RNF216: variants seen among roughly 807,000 people sequenced by gnomAD.
RNF216 encodes the protein ring finger protein 216, also known as E3 ubiquitin-protein ligase RNF216.
RNF216 carries 72 observed loss-of-function variants against 110.8 expected under a neutral mutation model. The ratio of observed to expected loss-of-function variants is 0.65; its 90% confidence interval spans 0.54 to 0.79. The LOEUF is 0.79. RNF216 is among the 30% of genes least tolerant of loss of function. RNF216 has a pLI of 0.00. For missense variants in RNF216, 1,342 were observed against 1,141.2 expected, an observed-to-expected ratio of 1.18 and a Z score of -2.54; for synonymous variants, 495 against 407.5, an observed-to-expected ratio of 1.21 and a Z score of -2.59.
In RNF216 at chr7:5,712,822, G is replaced by A. The variant is rs371579896; in HGVS notation, c.1875C>T (p.Phe625=). ...SCMEGSCTCS[F]PTSELEKVLP... The stretch of plus-strand genomic sequence containing the variant: ...GCACCTTCTCCAGCTCACTGGTTGG[G>A]AACGAACACGTGCAGCTGCCTTCCA... Residue 625 remains phenylalanine (F), a synonymous_variant, in exon 12 of 17, where the codon TTC becomes TTT. Transcript: ENST00000389902. 1.9e-6 allele frequency: 3 copies of A among 1,613,786 alleles called. No individual in the cohort carries two copies. The highest frequency in any genetic ancestry group is 2.5e-6 in the Non-Finnish European group (3 of 1,179,970).
At chr7:5,654,902 T>C (rs901357593) in intron 13 of RNF216, among the ~76,000 whole-genome samples, 3 of 152,026 alleles carry the variant, frequency 2.0e-5, no homozygotes, top group African/African-American at 7.2e-5. Flanking sequence ...CAAACCCATT[T>C]TTATAAGAAA....
In RNF216 at chr7:5,622,400, C is replaced by G. The variant is rs1786424276; in HGVS notation, c.*460G>C. The G allele has an allele frequency of 6.3e-6, 1 of 158,608 alleles. No homozygotes were observed. The highest frequency in any genetic ancestry group is 1.4e-5 in the Non-Finnish European group (1 of 72,602). 9.8% of individuals were successfully genotyped at this position (158,608 alleles called of 1,614,324 possible). A position where few individuals can be genotyped will look rare whatever the true frequency, so the allele number is the denominator to read the frequency against. ...TGGCAGTGCCTCTGCGGGCCATGGT[C>G]CCAGCCCCCCACCCTGAGCAATGCT... On this transcript the variant is annotated 3_prime_UTR_variant, in exon 17 of 17. Coordinates refer to ENST00000389902, the MANE Select transcript of RNF216 (RefSeq NM_207111.4).
intron 13 of RNF216, among the ~76,000 whole-genome samples, chr7:5,666,387 C>T (rs114771684): frequency 3.6e-4 from 55 of 152,142 alleles, no homozygotes; most frequent in African/African-American, 1.2e-3. Flanking sequence ...TGCGAAGGTG[C>T]ATGTAAGTGA....
intron 13 of RNF216, among the ~76,000 whole-genome samples, chr7:5,685,452 G>T (rs533448243): frequency 2.0e-5 from 3 of 152,194 alleles, no homozygotes; most frequent in Non-Finnish European, 2.9e-5. Context: ...CAGGGCTATA[G>T]AAATTGTTCT....
At chr7:5,692,045 A>G (rs1791371958) in intron 13 of RNF216, among the ~76,000 whole-genome samples, 1 of 152,240 alleles carries the variant, frequency 6.6e-6, no homozygotes, top group Non-Finnish European at 1.5e-5. Context: ...TTCAAAAGGT[A>G]TAATTTCCGA....
intron 7 of RNF216, among the ~76,000 whole-genome samples, chr7:5,728,075 G>T (rs1334361205): frequency 6.6e-6 from 1 of 152,050 alleles, no homozygotes; most frequent in Non-Finnish European, 1.5e-5. Flanking sequence ...TTCCCAGACT[G>T]AATTCGTGAT....
At chr7:5,644,996 T>C (rs1314386582) in intron 14 of RNF216, among the ~76,000 whole-genome samples, 1 of 152,040 alleles carries the variant, frequency 6.6e-6, no homozygotes, top group African/African-American at 2.4e-5. Context: ...GGCTAATTTT[T>C]GCATTTTTAG....
chr7:5,763,874 G>C (rs1796060141), intron 1 of RNF216, among the ~76,000 whole-genome samples: 2 of 152,258 alleles, frequency 1.3e-5, no homozygotes, highest in South Asian at 2.1e-4. Context: ...AGCCCAGCCT[G>C]TATCAATAAA....
intron 5 of RNF216, among the ~76,000 whole-genome samples, chr7:5,734,777 T>C (rs1794293645): frequency 6.6e-6 from 1 of 150,686 alleles, no homozygotes; most frequent in Non-Finnish European, 1.5e-5. Flanking sequence ...TGAGCTGAAA[T>C]CATGCCACTG....
chr7:5,745,369 C>T (rs1794977650), intron 3 of RNF216, among the ~76,000 whole-genome samples: 1 of 152,138 alleles, frequency 6.6e-6, no homozygotes, highest in East Asian at 1.9e-4. Context: ...AGCAAAAAGG[C>T]ACCATCACAT....
intron 13 of RNF216, among the ~76,000 whole-genome samples, chr7:5,685,664 A>T (rs543701324): frequency 2.6e-5 from 4 of 152,350 alleles, no homozygotes; most frequent in African/African-American, 9.6e-5. Context: ...CCAACCTGAC[A>T]TCAGTCCTGG....
chr7:5,627,850 G>GC (rs962150247), intron 15 of RNF216, among the ~76,000 whole-genome samples: 1 of 152,094 alleles, frequency 6.6e-6, no homozygotes, highest in Non-Finnish European at 1.5e-5. Flanking sequence ...AAGAGCTCTG[G>GC]CCCCCTGTGG....
chr7:5,633,621 T>A (rs1787214382), intron 15 of RNF216, among the ~76,000 whole-genome samples: 1 of 152,086 alleles, frequency 6.6e-6, no homozygotes, highest in Non-Finnish European at 1.5e-5. Flanking sequence ...ATAAGCGGAT[T>A]GCATTTTAAC....
chr7:5,718,903 C>T (rs942214387), intron 9 of RNF216, among the ~76,000 whole-genome samples: 6 of 152,082 alleles, frequency 3.9e-5, no homozygotes, highest in African/African-American at 1.4e-4. Context: ...AAGTGATTGC[C>T]TGCCTTGGCC....
intron 15 of RNF216, among the ~76,000 whole-genome samples, chr7:5,634,177 T>G (rs956167198): frequency 6.6e-5 from 10 of 152,176 alleles, no homozygotes; most frequent in Non-Finnish European, 8.8e-5. Context: ...GCTGTCCACG[T>G]GCCTGCTGGC....
rs1795082580 is a variant in RNF216 at position 5,747,388 on chromosome 7, G to A, written c.201+5458C>T. On this transcript the variant is annotated intron_variant, in intron 3 of 16. Coordinates refer to ENST00000389902, the MANE Select transcript of RNF216 (RefSeq NM_207111.4). ...AAAACGGATAAAAGCAGCAGAAGCA[G>A]AATATTATTTTCCTGAGGATGATAT... 2.0e-5 allele frequency among the ~76,000 whole-genome samples: 3 copies of A among 152,256 alleles called. No homozygotes were observed. In the East Asian group the frequency reaches 5.8e-4, roughly 29 times the overall value.
chr7:5,671,403 C>G (rs1178472356), intron 13 of RNF216, among the ~76,000 whole-genome samples: 3 of 152,228 alleles, frequency 2.0e-5, no homozygotes, highest in African/African-American at 4.8e-5. Flanking sequence ...GCCCTCAACT[C>G]TGACACCTTG....
At position 5,729,554 on chromosome 7, in the gene RNF216, G is replaced by A; in HGVS notation, c.1267C>T (p.Leu423Phe). ...GCTTGGATGAAGCAGCGCTGGTCAAGAGGGGTCAATTTAGAATAGTCAAAA... is the reference window on the plus strand; with the variant it reads ...GCTTGGATGAAGCAGCGCTGGTCAAAAGGGGTCAATTTAGAATAGTCAAAA... ...DFFDYSKLTP[L>F]DQRCFIQAAD... Residue 423 changes from leucine (L) to phenylalanine (F), a missense_variant, in exon 7 of 17, where the codon CTT becomes TTT. Physicochemically the swap from Leu to Phe is conservative, Grantham distance 22 (BLOSUM62 0). Transcript: ENST00000389902. 4.3e-6 allele frequency: 7 copies of A among 1,614,206 alleles called. No individual in the cohort carries two copies. Among genetic ancestry groups the A allele is most frequent in the Non-Finnish European group, 5.1e-6 (6 of 1,180,002 alleles).
intron 2 of RNF216, among the ~76,000 whole-genome samples, chr7:5,757,897 G>A (rs1477091888): frequency 6.6e-6 from 1 of 152,174 alleles, no homozygotes; most frequent in African/African-American, 2.4e-5. Flanking sequence ...GCTCACACCT[G>A]TAATCCTAGC....
Sources: gnomAD v4.1 joint callset for allele counts (sites outside exome capture counted in the v4.1 genomes callset) on GRCh38, gnomAD v4.1.1 for gene constraint, MANE v1.5 for transcripts, NCBI Gene and HGNC (gene_info 2026-07-23, HGNC 2026-07-21) for gene names.